Variants in STK33 observed in about 807,000 individuals in gnomAD.
The protein encoded by STK33 is serine/threonine kinase 33.
A neutral mutation model predicts 58.0 loss-of-function variants in STK33; 52 were observed. That is an observed-to-expected ratio of 0.90 (90% CI 0.72 to 1.13). The LOEUF (loss-of-function observed/expected upper bound fraction) is 1.13. Ranked by LOEUF, STK33 falls within the 50% of genes most tolerant of loss-of-function variation. The pLI, the probability that STK33 is intolerant of heterozygous loss-of-function variation, is 0.00. For missense variants in STK33, 630 were observed against 604.2 expected (o/e 1.04, Z -0.45); for synonymous variants, 215 against 200.1 (o/e 1.07, Z -0.63).
At chr11:8,345,909 C>A in the STK33 span, among the ~76,000 whole-genome samples, 3 of 152,206 alleles carry the variant, frequency 2.0e-5, no homozygotes, top group Non-Finnish European at 4.4e-5. Context: ...TAGGAGGAAA[C>A]AATTACAGCT....
intron 1 of STK33, among the ~76,000 whole-genome samples, chr11:8,510,664 G>C (rs1407957951): frequency 2.0e-5 from 3 of 152,076 alleles, no homozygotes; most frequent in Admixed American, 2.0e-4. Context: ...GATTCATCTT[G>C]AGTTGATTTT....
the STK33 span, among the ~76,000 whole-genome samples, chr11:8,351,495 C>T: frequency 7.9e-5 from 12 of 152,238 alleles, no homozygotes; most frequent in Non-Finnish European, 1.0e-4. Context: ...TTCTGGCCGT[C>T]CCTGCACGGG....
chr11:8,546,179 G>T (rs909609190), intron 1 of STK33, among the ~76,000 whole-genome samples: 1 of 152,220 alleles, frequency 6.6e-6, no homozygotes, highest in Non-Finnish European at 1.5e-5. Flanking sequence ...AGTAGTGAGT[G>T]AATGTGAAGG....
the STK33 span, among the ~76,000 whole-genome samples, chr11:8,336,647 A>G: frequency 6.6e-6 from 1 of 152,264 alleles, no homozygotes; most frequent in Non-Finnish European, 1.5e-5. Context: ...CAGGAGAACA[A>G]GACCTAGCCC....
In STK33 at chr11:8,392,350, A is replaced by T; in HGVS notation, c.*160T>A. On this transcript the variant is annotated 3_prime_UTR_variant, in exon 16 of 16. Coordinates refer to ENST00000687296, the MANE Select transcript of STK33 (RefSeq NM_001352389.2). ...TGCAGCTTATGCTGCTTTGGAGATAAGCAGCTTCAATTTTAAGCTGGTGCA... is the reference window on the plus strand; with the variant it reads ...TGCAGCTTATGCTGCTTTGGAGATATGCAGCTTCAATTTTAAGCTGGTGCA... The T allele has an allele frequency of 3.6e-6, 3 of 826,796 alleles. No homozygotes were observed. The highest frequency in any genetic ancestry group is 3.8e-4 in the Middle Eastern group (1 of 2,626). The allele number at this position is 826,796 out of a possible 1,614,324, so 51.2% of individuals were successfully genotyped here. A position where few individuals can be genotyped will look rare whatever the true frequency, so the allele number is the denominator to read the frequency against.
chr11:8,394,103 C>A (rs1261494205), intron 15 of STK33, among the ~76,000 whole-genome samples: 2 of 152,042 alleles, frequency 1.3e-5, no homozygotes, highest in African/African-American at 4.8e-5. Context: ...CCCCCCTAAG[C>A]AAACTTCTGG....
chr11:8,336,057 C>T, the STK33 span, among the ~76,000 whole-genome samples: 3 of 152,256 alleles, frequency 2.0e-5, no homozygotes, highest in African/African-American at 7.2e-5. Context: ...GGCCTTCCTG[C>T]TGTCCTGCTG....
chr11:8,485,755 T>A (rs1322487232), intron 1 of STK33, among the ~76,000 whole-genome samples: 1 of 152,208 alleles, frequency 6.6e-6, no homozygotes, highest in African/African-American at 2.4e-5. Flanking sequence ...CTCTACTTAG[T>A]GGAGCTTAAG....
chr11:8,522,836 T>C (rs1319640457), intron 1 of STK33, among the ~76,000 whole-genome samples: 1 of 152,164 alleles, frequency 6.6e-6, no homozygotes, highest in African/African-American at 2.4e-5. Context: ...CTCCCTCTGA[T>C]GCCCAGCCGA....
chr11:8,474,485 T>C (rs867143560), intron 5 of STK33, among the ~76,000 whole-genome samples, 196 bp downstream of exon 5: 1 of 152,280 alleles, frequency 6.6e-6, no homozygotes. Flanking sequence ...AATAATTAAT[T>C]TGGGCAGTGG....
chr11:8,466,414 CCAA>C (rs1948191099), intron 6 of STK33: 1 of 152,152 alleles, frequency 6.6e-6, no homozygotes, highest in Non-Finnish European at 1.5e-5. Flanking sequence ...GGCTACAGGC[CCAA>C]TGCAAGTCCA....
intron 1 of STK33, among the ~76,000 whole-genome samples, chr11:8,591,003 T>C (rs1231586334): frequency 6.6e-6 from 1 of 152,236 alleles, no homozygotes; most frequent in African/African-American, 2.4e-5. Context: ...CATAGTATCA[T>C]CAGATGAATA....
chr11:8,578,346 G>T (rs1172659447), intron 1 of STK33, among the ~76,000 whole-genome samples: 1 of 151,874 alleles, frequency 6.6e-6, no homozygotes, highest in Non-Finnish European at 1.5e-5. Flanking sequence ...CAAAATACTG[G>T]AAAACATTCA....
chr11:8,453,858 G>A (rs945276914), intron 10 of STK33, among the ~76,000 whole-genome samples: 1 of 152,090 alleles, frequency 6.6e-6, no homozygotes, highest in Non-Finnish European at 1.5e-5. Flanking sequence ...ATCTCACTTG[G>A]AGCATATGAT....
At chr11:8,543,428 G>A (rs1955675656) in intron 1 of STK33, among the ~76,000 whole-genome samples, 1 of 152,048 alleles carries the variant, frequency 6.6e-6, no homozygotes, top group South Asian at 2.1e-4. Context: ...ACTCATTGTG[G>A]TTCTGTAATT....
chr11:8,572,784 T>C (rs1957915093), intron 1 of STK33, among the ~76,000 whole-genome samples: 1 of 150,518 alleles, frequency 6.6e-6, no homozygotes, highest in South Asian at 2.1e-4. Context: ...ATACCTAAAA[T>C]GAAAAATGCA....
At chr11:8,453,489 C>T (rs1476644041) in intron 10 of STK33, among the ~76,000 whole-genome samples, 1 of 152,108 alleles carries the variant, frequency 6.6e-6, no homozygotes, top group Non-Finnish European at 1.5e-5. Context: ...TTAAAAACTA[C>T]AACAAGCATA....
rs771722375 is a variant in STK33, at chr11:8,413,515, C to G, written c.1324G>C (p.Asp442His). 1.1e-5 allele frequency: 18 copies of G among 1,613,822 alleles called. No individual in the cohort carries two copies. The highest frequency in any genetic ancestry group is 1.7e-5 in the Admixed American group (1 of 59,992). ...CCTACCTGTTTTTCCTCCTCTTCAT[C>G]TGAAGTGTAATTGGCATCAGGGACA... Reference protein sequence around the residue: ...GNVPDANYTSDEEEEKQSTAY... With the variant: ...GNVPDANYTSHEEEEKQSTAY... Residue 442 changes from aspartate to histidine, a missense_variant, in exon 15 of 16, where the codon GAT (aspartate) becomes CAT (histidine). Physicochemically the swap from Asp to His is moderately conservative, Grantham distance 81. Transcript: ENST00000687296.
chr11:8,454,662 T>G (rs888013940), intron 10 of STK33, 82 bp downstream of exon 10: 1 of 1,432,664 alleles, frequency 7.0e-7, no homozygotes, highest in African/African-American at 1.5e-5. Context: ...GCTAGCAACA[T>G]GTGTCTAAAA....
Sources: gnomAD v4.1 joint callset for allele counts (sites outside exome capture counted in the v4.1 genomes callset) on GRCh38, gnomAD v4.1.1 for gene constraint, MANE v1.5 for transcripts, NCBI Gene and HGNC (gene_info 2026-07-23, HGNC 2026-07-21) for gene names.